Variants in OCA2 observed in about 807,000 individuals in gnomAD.
OCA2 encodes the protein P protein.
In OCA2, 77 loss-of-function variants were observed where a neutral mutation model predicts 100.2. That is an observed-to-expected ratio of 0.77 (90% confidence interval 0.64 to 0.93). The LOEUF (loss-of-function observed/expected upper bound fraction) is 0.93, where lower values mean the gene tolerates loss of function less well. Among genes scored for constraint, OCA2 ranks in the 40% least tolerant of loss-of-function variants. The pLI is 0.00. For synonymous variants in OCA2, 432 were observed against 439.2 expected (o/e 0.98, Z 0.21); for missense variants, 1,062 against 1,089.1 (o/e 0.98, Z 0.35).
At chr15:27,850,085 A>G (rs1459070567) in intron 22 of OCA2, among the ~76,000 whole-genome samples, 1 of 152,200 alleles carries the variant, frequency 6.6e-6, no homozygotes. Context: ...AATGGCACAC[A>G]TTGATGTCTC....
intron 19 of OCA2, among the ~76,000 whole-genome samples, chr15:27,904,951 G>A (rs1487702419): frequency 1.3e-5 from 2 of 152,168 alleles, no homozygotes; most frequent in African/African-American, 2.4e-5. Flanking sequence ...ATCACCTGAG[G>A]TCAGGAGTTC....
chr15:28,018,203 AAG>A (rs1879455404), intron 7 of OCA2, among the ~76,000 whole-genome samples, 192 bp downstream of exon 7: 2 of 152,308 alleles, frequency 1.3e-5, no homozygotes, highest in South Asian at 4.2e-4. Flanking sequence ...CTGAAATGGC[AAG>A]AGTTTCATAA....
chr15:27,904,962 G>A (rs186812069), intron 19 of OCA2, among the ~76,000 whole-genome samples: 80 of 152,256 alleles, frequency 5.3e-4, no homozygotes, highest in African/African-American at 1.7e-3. Context: ...TCAGGAGTTC[G>A]AGACCAGACT....
At chr15:28,016,059 T>G in intron 8 of OCA2, 45 bp downstream of exon 8, 2 of 1,484,452 alleles carry the variant, frequency 1.3e-6, no homozygotes. Context: ...TAAACGCACG[T>G]GTCCCAGAGA....
intron 20 of OCA2, 82 bp from the exon 21 acceptor site, chr15:27,871,340 C>T (rs1014231626): frequency 6.8e-6 from 7 of 1,033,034 alleles, no homozygotes; most frequent in Middle Eastern, 2.1e-4. Context: ...CTCAGAGGGG[C>T]CCGAGGGTGT....
chr15:27,999,773 A>C (rs2041869537), intron 9 of OCA2, among the ~76,000 whole-genome samples: 1 of 152,258 alleles, frequency 6.6e-6, no homozygotes, highest in African/African-American at 2.4e-5. Context: ...GTAAATTCGT[A>C]GGATACAAAA....
chr15:27,784,733 T>A (rs1414565060), intron 23 of OCA2, among the ~76,000 whole-genome samples: 1 of 151,948 alleles, frequency 6.6e-6, no homozygotes, highest in African/African-American at 2.4e-5. Flanking sequence ...GCCTAACAAA[T>A]CTCAGAAAGT....
At chr15:28,019,845 GCAGGCCT>G (rs1422210821) in intron 6 of OCA2, among the ~76,000 whole-genome samples, 1 of 152,128 alleles carries the variant, frequency 6.6e-6, no homozygotes, top group African/African-American at 2.4e-5. Context: ...TCCTCCCCAG[GCAGGCCT>G]CAGGCCTGCA....
chr15:27,723,166 T>G, the OCA2 span, among the ~76,000 whole-genome samples: 2 of 152,070 alleles, frequency 1.3e-5, no homozygotes, highest in Admixed American at 6.6e-5. Context: ...TCACAGCCCT[T>G]ATGAGCACCT....
chr15:27,957,848 G>A lies in OCA2; in HGVS notation c.1637-113C>T, dbSNP rs1262857990. The A allele has an allele frequency of 6.9e-6, 9 of 1,304,154 alleles. No individual in the cohort carries two copies. The highest frequency in any genetic ancestry group is 3.7e-5 in the South Asian group (3 of 81,176). 80.8% of individuals were successfully genotyped at this position (1,304,154 alleles called of 1,614,324 possible). ...GACAGAGCAGACACACACTCGAGAC[G>A]TGCAGGTAGCCCAGGGTCACCCAGA... On this transcript the variant is annotated intron_variant, in intron 15 of 23. Transcript: ENST00000354638. This position sits in a 1 kb window ranked among gnomAD's most constrained non-coding sequence, Gnocchi z 4.3.
At chr15:27,871,118 A>G (rs1235034027) in intron 21 of OCA2, 36 bp downstream of exon 21, 1 of 1,496,604 alleles carries the variant, frequency 6.7e-7, no homozygotes, top group African/African-American at 1.4e-5. Context: ...TGTCCAGGCT[A>G]AAGTTGAGCC....
intron 1 of OCA2, among the ~76,000 whole-genome samples, chr15:28,098,259 G>A (rs2045022525): frequency 1.3e-5 from 2 of 152,182 alleles, no homozygotes; most frequent in African/African-American, 2.4e-5. Flanking sequence ...AGTCTACTCA[G>A]CTCTTTCATC....
chr15:27,974,467 G>A (rs150953590), intron 14 of OCA2, among the ~76,000 whole-genome samples: 15 of 152,184 alleles, frequency 9.9e-5, no homozygotes, highest in Admixed American at 7.2e-4. Flanking sequence ...AAACTACTGT[G>A]AAATAAATTA....
intron 1 of OCA2, among the ~76,000 whole-genome samples, chr15:28,098,852 C>A (rs1397920227): frequency 1.3e-5 from 2 of 152,262 alleles, no homozygotes; most frequent in Non-Finnish European, 2.9e-5. Flanking sequence ...AAACGCCTGA[C>A]CACGGCTCAT....
intron 2 of OCA2, among the ~76,000 whole-genome samples, chr15:28,077,216 G>A (rs907721755): frequency 1.3e-5 from 2 of 151,930 alleles, no homozygotes; most frequent in African/African-American, 4.8e-5. Flanking sequence ...TGTGCCACCA[G>A]GCCCGGATAA....
At position 28,019,721 on chromosome 15, in the gene OCA2, G is replaced by A. The variant is rs574273926; in HGVS notation, c.647-1164C>T. 3.9e-5 allele frequency among the ~76,000 whole-genome samples: 6 copies of A among 152,222 alleles called. No homozygotes were observed. In the South Asian group the frequency reaches 1.2e-3, roughly 32 times the overall value. The stretch of plus-strand genomic sequence containing the variant: ...TCCTTGCTCAGAAGACAGCCCTGAG[G>A]ACATTGCTGTGGGCCTTTCCAACCA... On this transcript the variant is annotated intron_variant, in intron 6 of 23. Transcript: ENST00000354638.
chr15:27,752,490 G>A (rs2030098104), downstream of OCA2, among the ~76,000 whole-genome samples: 1 of 152,114 alleles, frequency 6.6e-6, no homozygotes, highest in Non-Finnish European at 1.5e-5. Context: ...CCTTTCTTCA[G>A]AAGTGGACTT....
At chr15:27,959,740 C>A (rs2040348672) in intron 15 of OCA2, among the ~76,000 whole-genome samples, 1 of 152,222 alleles carries the variant, frequency 6.6e-6, no homozygotes, top group Admixed American at 6.5e-5. Flanking sequence ...TGTGCGACTA[C>A]TGCAGGTGCT....
chr15:27,841,817 G>T (rs1302229463), intron 23 of OCA2, among the ~76,000 whole-genome samples: 1 of 152,168 alleles, frequency 6.6e-6, no homozygotes, highest in Non-Finnish European at 1.5e-5. Flanking sequence ...AATCTCAGTA[G>T]AATTAATTAA....
Sources: allele counts gnomAD v4.1 joint callset (sites outside exome capture counted in the v4.1 genomes callset), GRCh38; gene constraint gnomAD v4.1.1; non-coding constraint Gnocchi (gnomAD v3.1); transcripts MANE v1.5; gene names NCBI Gene and HGNC (gene_info 2026-07-23, HGNC 2026-07-21).